The following TFEC variants were observed in gnomAD, a reference collection of about 807,000 sequenced individuals.
TFEC encodes the protein transcription factor EC, also known as class E basic helix-loop-helix protein 34.
TFEC carries 31 observed loss-of-function variants against 41.6 expected under a neutral mutation model. The observed-to-expected ratio is 0.74, with a 90% confidence interval of 0.56 to 1.01. The LOEUF is 1.01. TFEC is among the 50% of genes least tolerant of loss of function. The probability of loss-of-function intolerance (pLI) is 0.00; values close to 1 mark genes in which losing one functional copy is unlikely to be tolerated. For synonymous variants in TFEC, 143 were observed against 140.6 expected, an observed-to-expected ratio of 1.02 and a Z score of -0.12; for missense variants, 402 against 404.1, an observed-to-expected ratio of 0.99 and a Z score of 0.04.
chr7:115,943,389 T>C (rs189290296), intron 6 of TFEC, among the ~76,000 whole-genome samples: 3 of 151,738 alleles, frequency 2.0e-5, no homozygotes, highest in African/African-American at 2.4e-5. Flanking sequence ...TCATTTTTTC[T>C]CATGGAAAGA....
chr7:115,972,176 C>A (rs1793163538), intron 3 of TFEC, among the ~76,000 whole-genome samples: 1 of 152,054 alleles, frequency 6.6e-6, no homozygotes. Flanking sequence ...AAAATCTTAA[C>A]TATACAGTAC....
chr7:116,010,496 GT>G (rs750465540), intron 1 of TFEC, among the ~76,000 whole-genome samples: 1 of 152,142 alleles, frequency 6.6e-6, no homozygotes, highest in Non-Finnish European at 1.5e-5. Flanking sequence ...CATGAATTTG[GT>G]TTTAAACATA....
intron 3 of TFEC, among the ~76,000 whole-genome samples, chr7:116,094,354 T>C (rs918816361): frequency 6.6e-6 from 1 of 152,242 alleles, no homozygotes; most frequent in African/African-American, 2.4e-5. Context: ...AGTACTACCA[T>C]GTAATGACAA....
At chr7:116,053,424 C>CTGCTGA (rs1376016633) in intron 3 of TFEC, among the ~76,000 whole-genome samples, 5 of 152,150 alleles carry the variant, frequency 3.3e-5, no homozygotes, top group Admixed American at 1.3e-4. Flanking sequence ...GCTGCTGCTG[C>CTGCTGA]TGATGATGAC....
intron 1 of TFEC, among the ~76,000 whole-genome samples, chr7:116,001,840 C>CA (rs1794609656): frequency 6.6e-6 from 1 of 151,758 alleles, no homozygotes; most frequent in Non-Finnish European, 1.5e-5. Flanking sequence ...GCAAATAGTC[C>CA]AAATAGACAT....
chr7:116,122,312 A>G (rs957735267), intron 1 of TFEC, among the ~76,000 whole-genome samples: 1 of 152,126 alleles, frequency 6.6e-6, no homozygotes, highest in Non-Finnish European at 1.5e-5. Context: ...AAGTTCATTA[A>G]TAAGTTCAAT....
In TFEC at chr7:115,939,613, A is replaced by C. The variant is rs915892395; in HGVS notation, c.*938T>G. ...ACTGATGAAAAGTTTTAAGTACCTG[A>C]AAACTGTCCTTGCAGGGGGACATTT... On this transcript the variant is annotated 3_prime_UTR_variant, in exon 8 of 8. Coordinates refer to ENST00000265440, the MANE Select transcript of TFEC (RefSeq NM_012252.4). The C allele has an allele frequency of 4.6e-5, 7 of 152,106 alleles. No homozygotes were observed. The highest frequency in any genetic ancestry group is 1.4e-4 in the African/African-American group (6 of 41,450). 9.4% of individuals were successfully genotyped at this position (152,106 alleles called of 1,614,324 possible). A position where few individuals can be genotyped will look rare whatever the true frequency, so the allele number is the denominator to read the frequency against.
intron 1 of TFEC, among the ~76,000 whole-genome samples, chr7:115,990,642 G>C (rs1024998115): frequency 6.6e-6 from 1 of 152,044 alleles, no homozygotes; most frequent in African/African-American, 2.4e-5. Flanking sequence ...AGTGATTGAA[G>C]ATCAAAGGAA....
chr7:116,034,672 A>G (rs1795867421), upstream of TFEC, among the ~76,000 whole-genome samples: 1 of 142,494 alleles, frequency 7.0e-6, no homozygotes, highest in Non-Finnish European at 1.5e-5. Context: ...ACACACTAAC[A>G]CGCACAGGCA....
chr7:116,067,513 TA>T (rs1362576210), intron 3 of TFEC, among the ~76,000 whole-genome samples: 3 of 152,058 alleles, frequency 2.0e-5, no homozygotes, highest in Non-Finnish European at 4.4e-5. Flanking sequence ...TATAAGCATT[TA>T]GCTTGACTGG....
At chr7:116,049,814 G>A (rs930926824) in intron 3 of TFEC, among the ~76,000 whole-genome samples, 1 of 152,142 alleles carries the variant, frequency 6.6e-6, no homozygotes, top group African/African-American at 2.4e-5. Context: ...TAGAACTCAG[G>A]ATTAAGAAAC....
intron 3 of TFEC, among the ~76,000 whole-genome samples, chr7:116,099,727 A>G (rs1797561422): frequency 6.6e-6 from 1 of 152,214 alleles, no homozygotes; most frequent in African/African-American, 2.4e-5. Flanking sequence ...CATATTGCTA[A>G]CCCAGAGAAT....
At chr7:116,090,576 T>G (rs759170293) in intron 3 of TFEC, among the ~76,000 whole-genome samples, 2 of 152,138 alleles carry the variant, frequency 1.3e-5, no homozygotes, top group Non-Finnish European at 2.9e-5. Flanking sequence ...TCACACAGAC[T>G]GGCAACTGCT....
At chr7:115,974,484 G>A (rs1263581693) in intron 2 of TFEC, among the ~76,000 whole-genome samples, 3 of 121,532 alleles carry the variant, frequency 2.5e-5, no homozygotes, top group African/African-American at 9.1e-5. Flanking sequence ...GAAAATGCAG[G>A]AATCCTGACA....
intron 3 of TFEC, among the ~76,000 whole-genome samples, chr7:115,963,255 A>G (rs1343848749): frequency 6.6e-6 from 1 of 151,880 alleles, no homozygotes; most frequent in Non-Finnish European, 1.5e-5. Context: ...AGTCATTAGG[A>G]AAATGCAAAT....
intron 3 of TFEC, among the ~76,000 whole-genome samples, chr7:116,043,521 G>A (rs962135589): frequency 6.6e-6 from 1 of 152,122 alleles, no homozygotes; most frequent in Non-Finnish European, 1.5e-5. Flanking sequence ...AAGCATTTAA[G>A]TAAAAATAAG....
chr7:116,150,025 T>G lies in TFEC; in HGVS notation c.-69+9765A>C, dbSNP rs1282977542. Among the ~76,000 whole-genome samples, 28 of 151,936 alleles carry G rather than the reference T, an allele frequency of 1.8e-4. No individual in the cohort carries two copies. In the East Asian group the frequency reaches 5.2e-3, roughly 28 times the overall value. ...AACCAAATATACTTTCTCCTCCCTA[T>G]CTTGTTTCCCCACCAAGTAAATTCT... is the stretch of plus-strand genomic sequence containing the variant. On this transcript the variant is annotated intron_variant, in intron 1 of 8. Coordinates refer to the TFEC transcript ENST00000484212.
At chr7:116,058,403 A>AAAAATAAAAAATTAG in intron 3 of TFEC, among the ~76,000 whole-genome samples, 1 of 150,746 alleles carries the variant, frequency 6.6e-6, no homozygotes, top group Non-Finnish European at 1.5e-5. Context: ...ATCAGAATCA[A>AAAAATAAAAAATTAG]AAAATAGAAA....
intron 3 of TFEC, among the ~76,000 whole-genome samples, chr7:115,959,971 T>C (rs1056145814): frequency 6.6e-6 from 1 of 151,488 alleles, no homozygotes; most frequent in African/African-American, 2.4e-5. Context: ...TAAGAATTAA[T>C]AGTAATCAAT....
Sources: allele counts gnomAD v4.1 joint callset (sites outside exome capture counted in the v4.1 genomes callset), GRCh38; gene constraint gnomAD v4.1.1; transcripts MANE v1.5; gene names NCBI Gene and HGNC (gene_info 2026-07-23, HGNC 2026-07-21).